Variants in KCNMA1 observed in about 807,000 individuals in gnomAD.
The protein encoded by KCNMA1 is potassium calcium-activated channel subfamily M alpha 1, also known as Calcium-activated potassium channel subunit alpha-1.
A neutral mutation model predicts 140.0 loss-of-function variants in KCNMA1; 29 were observed. That is an observed-to-expected ratio of 0.21 (90% CI 0.15 to 0.28). The LOEUF is 0.28. Among genes scored for constraint, KCNMA1 ranks in the 10% least tolerant of loss-of-function variants. The probability of loss-of-function intolerance (pLI) is 1.00; values close to 1 mark genes in which losing one functional copy is unlikely to be tolerated. For synonymous variants in KCNMA1, 612 were observed against 611.9 expected (o/e 1.00, Z 0.00); for missense variants, 880 against 1,602.2 (o/e 0.55, Z 7.70).
chr10:77,350,936 T>A (rs2092800857), intron 2 of KCNMA1, among the ~76,000 whole-genome samples: 1 of 152,212 alleles, frequency 6.6e-6, no homozygotes, highest in Admixed American at 6.5e-5. Context: ...AGAGGTCCAG[T>A]GAGCTGGGCT....
chr10:77,413,318 C>G (rs2154478422), intron 1 of KCNMA1, among the ~76,000 whole-genome samples: 1 of 152,250 alleles, frequency 6.6e-6, no homozygotes, highest in Middle Eastern at 3.4e-3. Context: ...TCCTTCGCCT[C>G]AGGTTTTCAC....
chr10:77,513,645 G>T (rs561463091), intron 1 of KCNMA1, among the ~76,000 whole-genome samples: 1 of 152,364 alleles, frequency 6.6e-6, no homozygotes, highest in Non-Finnish European at 1.5e-5. Context: ...TCAGAATGAA[G>T]CTGAGAGATT....
Position 77,582,701 on chromosome 10 carries a change from G to A in KCNMA1, c.378+54564C>T, listed in dbSNP as rs559525180. On this transcript the variant is annotated intron_variant, in intron 1 of 27. Coordinates refer to ENST00000286628, the MANE Select transcript of KCNMA1 (RefSeq NM_001161352.2). ...TCTTCTTGACCAACTGCAAGGAAGTGCCTGCTTCTCCAGGACACCTACAAG... is the reference window on the plus strand; with the variant it reads ...TCTTCTTGACCAACTGCAAGGAAGTACCTGCTTCTCCAGGACACCTACAAG... Among the ~76,000 whole-genome samples the A allele has an allele frequency of 2.6e-5, 4 of 152,330 alleles. No individual in the cohort carries two copies. The East Asian group carries it at 7.7e-4, about 29-fold the overall frequency.
chr10:77,258,383 C>T (rs2061262799), intron 2 of KCNMA1, among the ~76,000 whole-genome samples: 1 of 152,120 alleles, frequency 6.6e-6, no homozygotes, highest in South Asian at 2.1e-4. Context: ...TCCCACAAAA[C>T]TAACACAAGA....
At position 76,937,085 on chromosome 10, in the gene KCNMA1, G is replaced by C. The variant is rs576881873; in HGVS notation, c.2902+7688C>G. 9.8e-5 allele frequency among the ~76,000 whole-genome samples: 15 copies of C among 152,292 alleles called. 1 individual carries two copies. In the East Asian group the frequency reaches 2.9e-3, roughly 29 times the overall value. On this transcript the variant is annotated intron_variant, in intron 23 of 27. Coordinates refer to ENST00000286628, the MANE Select transcript of KCNMA1 (RefSeq NM_001161352.2). ...CAATCTCCCTCCCATCACAAAGAGC[G>C]TGTCAGTAACTCTCCTTTAGCAAAG...
intron 5 of KCNMA1, among the ~76,000 whole-genome samples, chr10:77,180,947 G>A (rs1313950749): frequency 6.6e-6 from 1 of 152,062 alleles, no homozygotes; most frequent in Non-Finnish European, 1.5e-5. Context: ...TCCACAGGAA[G>A]GCTATGGATT....
intron 14 of KCNMA1, among the ~76,000 whole-genome samples, chr10:77,052,873 C>T (rs1282244793): frequency 1.3e-5 from 2 of 152,274 alleles, no homozygotes; most frequent in East Asian, 3.9e-4. Flanking sequence ...ATTACTTGAA[C>T]ATGCCATTTG....
At chr10:77,525,510 G>A (rs2055245642) in intron 1 of KCNMA1, among the ~76,000 whole-genome samples, 1 of 152,194 alleles carries the variant, frequency 6.6e-6, no homozygotes, top group African/African-American at 2.4e-5. Context: ...CCTGGGTTCT[G>A]GTACTGCTCC....
intron 3 of KCNMA1, among the ~76,000 whole-genome samples, chr10:77,229,874 G>GAAAA (rs895071018): frequency 6.6e-6 from 1 of 152,152 alleles, no homozygotes; most frequent in African/African-American, 2.4e-5. Context: ...AGCCATTGTG[G>GAAAA]AAAATAGTTT....
intron 19 of KCNMA1, among the ~76,000 whole-genome samples, chr10:76,988,484 C>T (rs1485834825): frequency 6.6e-6 from 1 of 152,094 alleles, no homozygotes; most frequent in East Asian, 1.9e-4. Context: ...ACTATGATCA[C>T]ACCACTGCAC....
At chr10:77,572,737 C>G (rs1212259770) in intron 1 of KCNMA1, among the ~76,000 whole-genome samples, 1 of 141,560 alleles carries the variant, frequency 7.1e-6, no homozygotes, top group African/African-American at 2.7e-5. Flanking sequence ...GCCTGGGCAA[C>G]AGAGTGAGAT....
chr10:77,321,871 G>A (rs751240902), intron 2 of KCNMA1, among the ~76,000 whole-genome samples: 4 of 152,164 alleles, frequency 2.6e-5, no homozygotes, highest in African/African-American at 7.2e-5. Context: ...ACCCAAACAC[G>A]CCAAGAACTA....
chr10:77,192,400 C>T (rs934275579), intron 3 of KCNMA1, among the ~76,000 whole-genome samples: 11 of 152,056 alleles, frequency 7.2e-5, no homozygotes, highest in South Asian at 6.2e-4. Context: ...TTCTTATCCA[C>T]GATAGACCTA....
Position 77,001,392 on chromosome 10 carries a change from T to C in KCNMA1, c.2266+15A>G. On this transcript the variant is annotated intron_variant, in intron 19 of 27. Coordinates refer to ENST00000286628, the MANE Select transcript of KCNMA1 (RefSeq NM_001161352.2). Reference sequence around the variant, plus strand: ...AGCACAAACATGGAACTACGTGTGTTGAGGTTAAACTTACAGGCACGGAAA... The same window carrying C: ...AGCACAAACATGGAACTACGTGTGTCGAGGTTAAACTTACAGGCACGGAAA... 6.5e-7 allele frequency: 1 copy of C among 1,549,824 alleles called. No homozygotes were observed. The highest frequency in any genetic ancestry group is 8.7e-7 in the Non-Finnish European group (1 of 1,145,374).
intron 1 of KCNMA1, among the ~76,000 whole-genome samples, chr10:77,445,607 T>C (rs990953289): frequency 4.6e-5 from 7 of 152,052 alleles, no homozygotes; most frequent in African/African-American, 1.2e-4. Context: ...AGACCAAGCA[T>C]TGGGAGAAAG....
chr10:77,619,337 TCTC>T (rs530307246), intron 1 of KCNMA1, among the ~76,000 whole-genome samples: 3 of 149,292 alleles, frequency 2.0e-5, no homozygotes, highest in Non-Finnish European at 4.5e-5. Context: ...TCTCTCTCTC[TCTC>T]TCTCTCGTAT....
rs139152790 is a variant in KCNMA1 at position 77,161,499 on chromosome 10, C to A, written c.808+21922G>T. The stretch of plus-strand genomic sequence containing the variant: ...GGCTCAAGCAATCTTCCTGCCCTGG[C>A]CTCCCAAGCTGCTGAGATTACAGGT... On this transcript the variant is annotated intron_variant, in intron 5 of 27. Transcript: ENST00000286628. Among the ~76,000 whole-genome samples, 30 of 152,244 alleles carry A rather than the reference C, an allele frequency of 2.0e-4. No homozygotes were observed. In the East Asian group the frequency reaches 5.2e-3, roughly 27 times the overall value.
intron 1 of KCNMA1, among the ~76,000 whole-genome samples, chr10:77,421,818 T>G (rs1339557730): frequency 2.0e-5 from 3 of 152,204 alleles, no homozygotes; most frequent in Non-Finnish European, 1.5e-5. Context: ...TGTTCACAGA[T>G]GTATCTCTCC....
intron 2 of KCNMA1, among the ~76,000 whole-genome samples, chr10:77,287,569 C>T (rs1025182334): frequency 2.6e-5 from 4 of 152,140 alleles, no homozygotes; most frequent in Non-Finnish European, 5.9e-5. Context: ...AAGCAAAAGC[C>T]AAAACTCTAA....
Sources: gnomAD v4.1 joint callset for allele counts (sites outside exome capture counted in the v4.1 genomes callset) on GRCh38, gnomAD v4.1.1 for gene constraint, MANE v1.5 for transcripts, NCBI Gene and HGNC (gene_info 2026-07-23, HGNC 2026-07-21) for gene names.